FBXW7: variants seen among roughly 807,000 people sequenced by gnomAD.
FBXW7 encodes F-box and WD repeat domain containing 7.
FBXW7 carries 11 observed loss-of-function variants against 86.3 expected under a neutral mutation model. That is an observed-to-expected ratio of 0.13 (90% CI 0.08 to 0.21). FBXW7 has a LOEUF of 0.21. Among genes scored for constraint, FBXW7 ranks in the 10% least tolerant of loss-of-function variants. The pLI, the probability that FBXW7 is intolerant of heterozygous loss-of-function variation, is 1.00. For missense variants in FBXW7, 488 were observed against 847.4 expected (o/e 0.58, Z 5.27); for synonymous variants, 313 against 297.9 (o/e 1.05, Z -0.52).
At chr4:152,418,650 G>A (rs1472534876) in intron 2 of FBXW7, among the ~76,000 whole-genome samples, 2 of 152,160 alleles carry the variant, frequency 1.3e-5, no homozygotes, top group East Asian at 3.8e-4. Context: ...TTAAAGATGA[G>A]TTTTACTAAT....
chr4:152,521,121 TG>T (rs2149730530), intron 2 of FBXW7, among the ~76,000 whole-genome samples: 1 of 152,262 alleles, frequency 6.6e-6, no homozygotes, highest in East Asian at 1.9e-4. Flanking sequence ...GTTAGGTACT[TG>T]GGGGAGCAGG....
intron 4 of FBXW7, among the ~76,000 whole-genome samples, chr4:152,390,998 G>A (rs1017570674): frequency 1.3e-5 from 2 of 151,942 alleles, no homozygotes; most frequent in African/African-American, 4.8e-5. Flanking sequence ...AGGAGTGCTG[G>A]TGCTTTAAAT....
intron 12 of FBXW7, chr4:152,324,923 T>C (rs2126484777): frequency 6.5e-6 from 1 of 152,962 alleles, no homozygotes; most frequent in South Asian, 2.1e-4. Context: ...CTAATGCTAA[T>C]TAGGAAATGT....
chr4:152,520,654 T>C (rs1422810242), intron 2 of FBXW7, among the ~76,000 whole-genome samples: 6 of 152,092 alleles, frequency 3.9e-5, no homozygotes, highest in Non-Finnish European at 7.3e-5. Flanking sequence ...TCCTCCATGA[T>C]GTAAAAATGA....
At chr4:152,484,728 A>G (rs149087147) in intron 2 of FBXW7, among the ~76,000 whole-genome samples, 2,081 of 152,224 alleles carry the variant, frequency 0.014, 25 homozygotes, top group Middle Eastern at 0.037. Context: ...TTGGGAGGCC[A>G]AGGTGGGTGG....
At chr4:152,477,743 T>C (rs1455501865) in intron 2 of FBXW7, among the ~76,000 whole-genome samples, 1 of 152,142 alleles carries the variant, frequency 6.6e-6, no homozygotes, top group African/African-American at 2.4e-5. Context: ...GTGTCCACAA[T>C]CTAGGAAACA....
intron 2 of FBXW7, among the ~76,000 whole-genome samples, chr4:152,426,231 G>A (rs1579167475): frequency 6.6e-6 from 1 of 152,126 alleles, no homozygotes; most frequent in Non-Finnish European, 1.5e-5. Context: ...AAATAAGCTA[G>A]ACAGGTTAAG....
chr4:152,371,104 G>T (rs981723974), intron 4 of FBXW7, among the ~76,000 whole-genome samples: 1 of 151,514 alleles, frequency 6.6e-6, no homozygotes, highest in African/African-American at 2.4e-5. Flanking sequence ...AAAAATGCTG[G>T]GCCTTTCCAC....
chr4:152,423,974 C>T (rs1739161760), intron 2 of FBXW7, among the ~76,000 whole-genome samples: 1 of 152,006 alleles, frequency 6.6e-6, no homozygotes, highest in South Asian at 2.1e-4. Flanking sequence ...TTATGGTTTC[C>T]AGATTTGAGG....
chr4:152,497,459 A>G (rs950872357), intron 2 of FBXW7, among the ~76,000 whole-genome samples: 3 of 152,016 alleles, frequency 2.0e-5, no homozygotes, highest in Non-Finnish European at 4.4e-5. Context: ...TTTAAGGTTC[A>G]ATACCCAATA....
intron 4 of FBXW7, among the ~76,000 whole-genome samples, chr4:152,363,811 G>T (rs541779106): frequency 5.9e-5 from 9 of 152,224 alleles, no homozygotes; most frequent in African/African-American, 2.2e-4. Flanking sequence ...TACAGATGAG[G>T]AAAGAGGCAC....
chr4:152,424,549 C>T (rs1739211039), intron 2 of FBXW7, among the ~76,000 whole-genome samples: 1 of 152,146 alleles, frequency 6.6e-6, no homozygotes, highest in African/African-American at 2.4e-5. Flanking sequence ...ACAAGAAGTA[C>T]CCTGCACCAC....
chr4:152,334,245 G>A (rs1729855652), intron 7 of FBXW7, among the ~76,000 whole-genome samples: 1 of 152,158 alleles, frequency 6.6e-6, no homozygotes, highest in Non-Finnish European at 1.5e-5. Flanking sequence ...TAGAGAAGCT[G>A]AGTCATTTAA....
At chr4:152,339,362 T>C (rs1464313404) in intron 6 of FBXW7, among the ~76,000 whole-genome samples, 2 of 152,228 alleles carry the variant, frequency 1.3e-5, no homozygotes, top group African/African-American at 2.4e-5. Flanking sequence ...AGCAGTTAAT[T>C]TGAAGTTTAA....
chr4:152,365,180 T>C lies in FBXW7; in HGVS notation c.502-15056A>G, dbSNP rs138868849. Among the ~76,000 whole-genome samples the C allele has an allele frequency of 1.1e-4, 16 of 152,186 alleles. No homozygotes were observed. In the East Asian group the frequency reaches 1.2e-3, roughly 11 times the overall value. On this transcript the variant is annotated intron_variant, in intron 4 of 13. Coordinates refer to ENST00000281708, the MANE Select transcript of FBXW7 (RefSeq NM_001349798.2). Reference sequence around the variant, plus strand: ...CGGAGCAGGGAGGGATAACCACCTATAGCTAGAGGACACTGAACAGAGGTA... The same window carrying C: ...CGGAGCAGGGAGGGATAACCACCTACAGCTAGAGGACACTGAACAGAGGTA...
rs1180430199 is a variant in FBXW7 at position 152,320,596 on chromosome 4, T to C, written c.*2285A>G. 6 of 152,026 alleles carry C rather than the reference T, an allele frequency of 3.9e-5. No homozygotes were observed. Among genetic ancestry groups the C allele is most frequent in the African/African-American group, 1.2e-4 (5 of 41,378 alleles). The allele number at this position is 152,026 out of a possible 1,614,324, so 9.4% of individuals were successfully genotyped here. Reference sequence around the variant, plus strand: ...CCCTTACATCATAAAATTTAGATTTTATAAAATTTAGATTTGTTGAACAAA... The same window carrying C: ...CCCTTACATCATAAAATTTAGATTTCATAAAATTTAGATTTGTTGAACAAA... On this transcript the variant is annotated 3_prime_UTR_variant, in exon 14 of 14. Coordinates refer to ENST00000281708, the MANE Select transcript of FBXW7 (RefSeq NM_001349798.2).
intron 4 of FBXW7, among the ~76,000 whole-genome samples, chr4:152,379,229 T>C (rs936520528): frequency 2.0e-5 from 3 of 148,164 alleles, no homozygotes; most frequent in Admixed American, 6.6e-5. Context: ...AAATAAAAAA[T>C]AGTTATTTTT....
intron 2 of FBXW7, among the ~76,000 whole-genome samples, chr4:152,444,873 C>G (rs577904526): frequency 3.3e-5 from 5 of 152,280 alleles, no homozygotes; most frequent in Non-Finnish European, 7.4e-5. Flanking sequence ...ACTCTGCTGT[C>G]CAGGCTGGAC....
intron 2 of FBXW7, among the ~76,000 whole-genome samples, chr4:152,493,537 T>C (rs145036065): frequency 4.6e-5 from 7 of 152,296 alleles, no homozygotes; most frequent in African/African-American, 1.4e-4. Flanking sequence ...AAAATTCACG[T>C]GTTGAAGCCC....
Sources: gnomAD v4.1 joint callset for allele counts (sites outside exome capture counted in the v4.1 genomes callset) on GRCh38, gnomAD v4.1.1 for gene constraint, MANE v1.5 for transcripts, NCBI Gene and HGNC (gene_info 2026-07-23, HGNC 2026-07-21) for gene names.